MRRF: variants seen among roughly 807,000 people sequenced by gnomAD.
MRRF encodes ribosome-recycling factor, mitochondrial.
In MRRF, 18 loss-of-function variants were observed where a neutral mutation model predicts 25.1. The ratio of observed to expected loss-of-function variants is 0.72; its 90% CI spans 0.50 to 1.06. The LOEUF (loss-of-function observed/expected upper bound fraction) is 1.06. Among genes scored for constraint, MRRF ranks in the 50% least tolerant of loss-of-function variants. The pLI is 0.00. For synonymous variants in MRRF, 113 were observed against 112.1 expected, an observed-to-expected ratio of 1.01 and a Z score of -0.05; for missense variants, 323 against 319.3, an observed-to-expected ratio of 1.01 and a Z score of -0.09.
chr9:122,274,745 T>A (rs1171446979), intron 2 of MRRF, among the ~76,000 whole-genome samples: 1 of 152,158 alleles, frequency 6.6e-6, no homozygotes, highest in African/African-American at 2.4e-5. Flanking sequence ...TTTCTACTAT[T>A]TTTATAGTCA....
intron 2 of MRRF, among the ~76,000 whole-genome samples, chr9:122,276,156 C>T (rs542191645): frequency 2.0e-5 from 3 of 152,240 alleles, no homozygotes; most frequent in East Asian, 1.9e-4. Flanking sequence ...TTGGGTGATC[C>T]GCCCACCTTG....
rs1287628344 is a variant in MRRF, at chr9:122,280,531, A to T, written c.273A>T (p.Glu91Asp). The T allele has an allele frequency of 1.9e-6, 3 of 1,613,934 alleles. No homozygotes were observed. The highest frequency in any genetic ancestry group is 2.5e-6 in the Non-Finnish European group (3 of 1,179,882). ...DIINLEEVNE[E>D]MKSVIEALKD... ...TCAACTTGGAAGAGGTGAATGAAGA[A>T]ATGAAGTCTGTGATAGAAGCTCTCA... is the stretch of plus-strand genomic sequence containing the variant. Residue 91 changes from glutamate (E) to aspartate (D), a missense_variant, in exon 3 of 7, where the codon GAA becomes GAT. Physicochemically the swap from Glu to Asp is conservative, Grantham distance 45. Transcript: ENST00000344641.
chr9:122,282,534 G>A (rs376393624), intron 3 of MRRF, among the ~76,000 whole-genome samples: 2 of 152,326 alleles, frequency 1.3e-5, no homozygotes, highest in African/African-American at 4.8e-5. Context: ...CTTGGAGTTG[G>A]TCAGACCTGG....
intron 2 of MRRF, among the ~76,000 whole-genome samples, chr9:122,277,974 A>ACATG (rs1476035741): frequency 6.6e-6 from 1 of 152,028 alleles, no homozygotes; most frequent in African/African-American, 2.4e-5. Flanking sequence ...ATGTTTTGTT[A>ACATG]CATGCATAAA....
chr9:122,289,323 A>T (rs1678445228), intron 4 of MRRF, among the ~76,000 whole-genome samples: 1 of 152,214 alleles, frequency 6.6e-6, no homozygotes, highest in Non-Finnish European at 1.5e-5. Context: ...AGCACTTACC[A>T]TGTACCTGGC....
At chr9:122,313,113 C>A in intron 5 of MRRF, 114 bp from the exon 6 acceptor site, 1 of 1,105,702 alleles carries the variant, frequency 9.0e-7, no homozygotes, top group Non-Finnish European at 1.3e-6. Context: ...AGGAGTTCAG[C>A]CCACAGAGAG....
chr9:122,312,667 A>G lies in MRRF; in HGVS notation c.552-560A>G, dbSNP rs148451628. ...GCCAGCTTGGGTTTGACTGGGTCTG[A>G]CTTTGTATAAGGTACCAAATTTCTT... On this transcript the variant is annotated intron_variant, in intron 5 of 6. Coordinates refer to ENST00000344641, the MANE Select transcript of MRRF (RefSeq NM_138777.5). Among the ~76,000 whole-genome samples the G allele has an allele frequency of 2.5e-3, 385 of 152,310 alleles. 1 individual carries two copies. The highest frequency in any genetic ancestry group is 8.6e-3 in the African/African-American group (356 of 41,572).
At chr9:122,290,164 C>T (rs1239403208) in intron 4 of MRRF, among the ~76,000 whole-genome samples, 2 of 152,140 alleles carry the variant, frequency 1.3e-5, no homozygotes, top group East Asian at 3.8e-4. Flanking sequence ...AGAGCAGCAT[C>T]ATTGGATTAA....
intron 5 of MRRF, among the ~76,000 whole-genome samples, chr9:122,303,497 A>G (rs1316768345): frequency 6.6e-6 from 1 of 151,846 alleles, no homozygotes; most frequent in Non-Finnish European, 1.5e-5. Context: ...CCTCCCACTC[A>G]GCCTCCTGAG....
Position 122,310,946 on chromosome 9 carries a change from C to T in MRRF, c.552-2281C>T, listed in dbSNP as rs192887540. Among the ~76,000 whole-genome samples, 192 of 152,308 alleles carry T rather than the reference C, an allele frequency of 1.3e-3. 2 individuals carry two copies. Among genetic ancestry groups the T allele is most frequent in the South Asian group, 7.0e-3 (34 of 4,826 alleles). ...TAAAACAGATATGCCCTCATTGTTT[C>T]ATGAGGAAGTAATTAAACATGTTTG... is the stretch of plus-strand genomic sequence containing the variant. On this transcript the variant is annotated intron_variant, in intron 5 of 6. Transcript: ENST00000344641.
chr9:122,320,142 A>G (rs990973966), intron 6 of MRRF, among the ~76,000 whole-genome samples: 3 of 152,012 alleles, frequency 2.0e-5, no homozygotes, highest in Non-Finnish European at 2.9e-5. Flanking sequence ...CCAAAGTGCT[A>G]GGATAACAGG....
At position 122,323,630 on chromosome 9, in the gene MRRF, A is replaced by G. The variant is rs562331973; in HGVS notation, c.*1013A>G. 1.9e-4 allele frequency: 29 copies of G among 152,304 alleles called. No individual in the cohort carries two copies. Among genetic ancestry groups the G allele is most frequent in the Admixed American group, 1.8e-3 (28 of 15,294 alleles). The allele number at this position is 152,304 out of a possible 1,614,324, so 9.4% of individuals were successfully genotyped here. On this transcript the variant is annotated 3_prime_UTR_variant, in exon 7 of 7. Transcript: ENST00000344641. ...GCTTATCTTCGGATACTGGGTTATT[A>G]GGTTTTTTTCCCTCCAATTATTTTT...
At chr9:122,308,870 T>A (rs924970339) in intron 5 of MRRF, among the ~76,000 whole-genome samples, 1 of 152,096 alleles carries the variant, frequency 6.6e-6, no homozygotes, top group Non-Finnish European at 1.5e-5. Flanking sequence ...ACCTGGCTAA[T>A]TTTATTGTGT....
intron 1 of MRRF, 91 bp from the exon 2 acceptor site, chr9:122,270,773 G>A (rs1375983774): frequency 1.6e-5 from 15 of 936,628 alleles, no homozygotes; most frequent in Admixed American, 3.4e-5. Context: ...GTTTATAGGA[G>A]TTGCTTGATA....
intron 5 of MRRF, among the ~76,000 whole-genome samples, chr9:122,297,157 A>C (rs941918529): frequency 6.6e-6 from 1 of 152,268 alleles, no homozygotes; most frequent in African/African-American, 2.4e-5. Flanking sequence ...TACTAAAAAT[A>C]CAAAAATTAG....
rs149419925 is a variant in MRRF, at chr9:122,270,394, A to C, written c.-28-470A>C. 1.8e-3 allele frequency among the ~76,000 whole-genome samples: 275 copies of C among 152,370 alleles called. 1 individual carries two copies. Among genetic ancestry groups the C allele is most frequent in the African/African-American group, 6.5e-3 (270 of 41,584 alleles). On this transcript the variant is annotated intron_variant, in intron 1 of 6. Coordinates refer to ENST00000344641, the MANE Select transcript of MRRF (RefSeq NM_138777.5). Reference sequence around the variant, plus strand: ...GTAATCAGTGCATAAGGAACCAAATAAAATTTTAATTAAATGCTGTCGTGT... The same window carrying C: ...GTAATCAGTGCATAAGGAACCAAATCAAATTTTAATTAAATGCTGTCGTGT...
intron 5 of MRRF, among the ~76,000 whole-genome samples, chr9:122,303,563 A>G (rs893228315): frequency 6.6e-6 from 1 of 151,788 alleles, no homozygotes; most frequent in African/African-American, 2.4e-5. Flanking sequence ...AATTTTTTGT[A>G]GAGATGAGGT....
rs1344852565 is a variant in MRRF, at chr9:122,270,772, A to G, written c.-28-92A>G. 7 of 899,112 alleles carry G rather than the reference A, an allele frequency of 7.8e-6. No homozygotes were observed. The East Asian group carries it at 1.7e-4, about 22-fold the overall frequency. 55.7% of individuals were successfully genotyped at this position (899,112 alleles called of 1,614,324 possible). A position where few individuals can be genotyped will look rare whatever the true frequency, so the allele number is the denominator to read the frequency against. On this transcript the variant is annotated intron_variant, in intron 1 of 6. Transcript: ENST00000344641. ...TCTAGTACTTAGCTCAGTTTATAGG[A>G]GTTGCTTGATAATTGGTACGAATTA... is the stretch of plus-strand genomic sequence containing the variant.
chr9:122,312,099 T>A (rs1270968943), intron 5 of MRRF, among the ~76,000 whole-genome samples: 1 of 152,238 alleles, frequency 6.6e-6, no homozygotes. Flanking sequence ...GCAGAAGTAA[T>A]GGCAGCAGTG....
Sources: allele counts gnomAD v4.1 joint callset (sites outside exome capture counted in the v4.1 genomes callset), GRCh38; gene constraint gnomAD v4.1.1; transcripts MANE v1.5; gene names NCBI Gene and HGNC (gene_info 2026-07-23, HGNC 2026-07-21).